The following MED24 variants were observed in gnomAD, a reference collection of about 807,000 sequenced individuals.
MED24 encodes mediator of RNA polymerase II transcription subunit 24.
Under a neutral mutation model 118.8 loss-of-function variants are expected in MED24, and 74 were observed. The observed-to-expected ratio is 0.62, with a 90% confidence interval of 0.52 to 0.76. The LOEUF (loss-of-function observed/expected upper bound fraction) is 0.76. Ranked by LOEUF, MED24 falls within the 30% of genes least tolerant of loss-of-function variation. The pLI is 0.00. For synonymous variants in MED24, 521 were observed against 523.9 expected (o/e 0.99, Z 0.08); for missense variants, 1,041 against 1,278.9 (o/e 0.81, Z 2.84).
At chr17:40,050,835 C>G (rs184681734) in intron 3 of MED24, among the ~76,000 whole-genome samples, 13 of 152,262 alleles carry the variant, frequency 8.5e-5, no homozygotes, top group African/African-American at 2.9e-4. Context: ...AATGTATGCA[C>G]ATAAGAAATC....
rs376292548 is a variant in MED24, at chr17:40,023,355, C to A, written c.2026G>T (p.Asp676Tyr). 1 of 1,611,472 alleles carries A rather than the reference C, an allele frequency of 6.2e-7. No individual in the cohort carries two copies. The highest frequency in any genetic ancestry group is 8.5e-7 in the Non-Finnish European group (1 of 1,178,494). Residue 676 changes from aspartate to tyrosine, a missense_variant, in exon 20 of 26, where the codon GAC (aspartate) becomes TAC (tyrosine). Physicochemically the swap from Asp to Tyr is radical, Grantham distance 160 (BLOSUM62 -3). Transcript: ENST00000394128. ...MNSILERMCA[D>Y]VLQQTATQIK... is the part of the protein sequence containing the mutation. ...TGCGTGGCTGTCTGCTGCAGCACGT[C>A]GGCACACATGCGCTCCAGGATCGAG... is the stretch of plus-strand genomic sequence containing the variant.
chr17:40,020,558 C>A, intron 23 of MED24: 1 of 1,177,304 alleles, frequency 8.5e-7, no homozygotes. Flanking sequence ...GAGGCCGAGG[C>A]AGGAGGATCG....
At chr17:40,036,938 C>T (rs915113477) in intron 3 of MED24, among the ~76,000 whole-genome samples, 9 of 152,022 alleles carry the variant, frequency 5.9e-5, no homozygotes, top group Non-Finnish European at 7.4e-5. Flanking sequence ...AATCCCAGTA[C>T]TTTGGGAGGC....
At chr17:40,052,266 C>A (rs1216862792) in intron 3 of MED24, among the ~76,000 whole-genome samples, 1 of 152,160 alleles carries the variant, frequency 6.6e-6, no homozygotes, top group Non-Finnish European at 1.5e-5. Flanking sequence ...GCACTCCAGC[C>A]TGGGCGATAG....
intron 23 of MED24, among the ~76,000 whole-genome samples, chr17:40,021,711 G>A (rs1327606148): frequency 6.6e-6 from 1 of 152,190 alleles, no homozygotes; most frequent in Non-Finnish European, 1.5e-5. Flanking sequence ...GGGCTGTGGG[G>A]GAACAACTGT....
intron 10 of MED24, among the ~76,000 whole-genome samples, 190 bp downstream of exon 10, chr17:40,031,853 G>A (rs1050556723): frequency 1.3e-4 from 19 of 146,080 alleles, no homozygotes; most frequent in African/African-American, 4.7e-4. Flanking sequence ...CGCACACACT[G>A]AAGCACACGC....
chr17:40,043,901 A>AAAAAAAAAAAAAAAAAAAAAAAAC, intron 3 of MED24, among the ~76,000 whole-genome samples: 2 of 150,754 alleles, frequency 1.3e-5, no homozygotes, highest in Non-Finnish European at 3.0e-5. Context: ...AAAAAAAAAA[A>AAAAAAAAAAAAAAAAAAAAAAAAC]AAACAAAGAT....
At chr17:40,037,236 G>A (rs1168563078) in intron 3 of MED24, among the ~76,000 whole-genome samples, 2 of 151,446 alleles carry the variant, frequency 1.3e-5, no homozygotes, top group African/African-American at 4.9e-5. Flanking sequence ...AGGAAGGAAG[G>A]AAAGAAGGAA....
chr17:40,036,136 C>T lies in MED24; in HGVS notation c.232G>A (p.Val78Ile). ...CATACCTTACTGATGGCTGTGAGGA[C>T]AGAAGAGTAGGACACCATCTGGAGA... Reference protein sequence around the residue: ...ISSQMVSYSSVLTAISKFDDF... With the variant: ...ISSQMVSYSSILTAISKFDDF... The change falls in exon 4 of 26, where the codon GTC becomes ATC. Residue 78 changes from valine (V) to isoleucine (I), a missense_variant. This residue lies in a region of MED24 where 434 missense variants were observed against 514.9 expected (regional missense o/e 0.84). Coordinates refer to ENST00000394128, the MANE Select transcript of MED24 (RefSeq NM_014815.4). 1.2e-6 allele frequency: 2 copies of T among 1,612,260 alleles called. No homozygotes were observed. The highest frequency in any genetic ancestry group is 3.3e-5 in the Admixed American group (2 of 60,022).
Position 40,032,733 on chromosome 17 carries a change from C to T in MED24, c.852G>A (p.Glu284=), listed in dbSNP as rs1437528072. ...QHIPTPLFVL[E]IWKACFVGLI... Reference sequence around the variant, plus strand: ...GCCCCACGAAGCAAGCTTTCCAGATCTCCAGGACAAAAAGTGGGGTGGGGA... The same window carrying T: ...GCCCCACGAAGCAAGCTTTCCAGATTTCCAGGACAAAAAGTGGGGTGGGGA... The change falls in exon 9 of 26, where the codon GAG becomes GAA. Residue 284 remains glutamate, a synonymous_variant. Transcript: ENST00000394128. The T allele has an allele frequency of 5.6e-6, 9 of 1,613,752 alleles. No individual in the cohort carries two copies. In the Admixed American group the frequency reaches 1.5e-4, roughly 27 times the overall value.
chr17:40,020,315 G>A lies in MED24; in HGVS notation c.2662C>T (p.Leu888Phe), dbSNP rs1226182581. Residue 888 changes from leucine (L) to phenylalanine (F), a missense_variant, in exon 24 of 26, where the codon CTC becomes TTC. Physicochemically the swap from Leu to Phe is conservative, Grantham distance 22. Around this residue, in one of 3 missense-constraint regions of MED24, gnomAD observed 587 missense variants for 694.4 expected, o/e 0.85. Transcript: ENST00000394128. ...GGGTCCCGCATGTTGACCGTGTGGA[G>A]CTGAGAGGCTGAGAGGGAGCTGCTC... is the stretch of plus-strand genomic sequence containing the variant. Reference protein sequence around the residue: ...SMSSSLSASQLHTVNMRDPLN... With the variant: ...SMSSSLSASQFHTVNMRDPLN... 1 of 1,592,880 alleles carries A rather than the reference G, an allele frequency of 6.3e-7. No homozygotes were observed. The highest frequency in any genetic ancestry group is 8.5e-7 in the Non-Finnish European group (1 of 1,169,786).
chr17:40,024,905 T>C (rs1398466867), intron 19 of MED24, among the ~76,000 whole-genome samples: 2 of 152,062 alleles, frequency 1.3e-5, no homozygotes, highest in Non-Finnish European at 2.9e-5. Context: ...CCTGCTCATT[T>C]TTATATTTTT....
chr17:40,053,101 T>C (rs1051530509), intron 3 of MED24, among the ~76,000 whole-genome samples, 197 bp downstream of exon 3: 1 of 151,676 alleles, frequency 6.6e-6, no homozygotes, highest in African/African-American at 2.4e-5. Context: ...CAGGGGTAAC[T>C]CTTTGTATTT....
chr17:40,024,280 T>C (rs944775849), intron 19 of MED24, among the ~76,000 whole-genome samples: 1 of 152,176 alleles, frequency 6.6e-6, no homozygotes, highest in African/African-American at 2.4e-5. Flanking sequence ...ATGCCTATAA[T>C]CCCAGCACTT....
In MED24 at chr17:40,019,125, T is replaced by C. The variant is rs1981623342; in HGVS notation, c.*404A>G. ...CAAAGGGAGCCACGAGGAGCTTTAT[T>C]TATACATGAACGAAGGTAGATTTCC... On this transcript the variant is annotated 3_prime_UTR_variant, in exon 26 of 26. Transcript: ENST00000394128. 5.8e-6 allele frequency: 1 copy of C among 171,412 alleles called. No homozygotes were observed. Among genetic ancestry groups the C allele is most frequent in the Non-Finnish European group, 1.2e-5 (1 of 80,056 alleles). The allele number at this position is 171,412 out of a possible 1,614,324, so 10.6% of individuals were successfully genotyped here.
At chr17:40,039,283 C>G (rs1984286380) in intron 3 of MED24, among the ~76,000 whole-genome samples, 1 of 152,234 alleles carries the variant, frequency 6.6e-6, no homozygotes. Context: ...ACAGCAGGAT[C>G]TGGCCTATTC....
At chr17:40,051,930 TAAAC>T (rs933164585) in intron 3 of MED24, among the ~76,000 whole-genome samples, 3 of 150,220 alleles carry the variant, frequency 2.0e-5, no homozygotes, top group African/African-American at 7.4e-5. Flanking sequence ...TCTCAATAAA[TAAAC>T]AAACAAACAG....
chr17:40,030,025 A>G (rs1983179096), intron 12 of MED24, among the ~76,000 whole-genome samples, 166 bp from the exon 13 acceptor site: 1 of 152,108 alleles, frequency 6.6e-6, no homozygotes, highest in South Asian at 2.1e-4. Flanking sequence ...TGTTGCAATC[A>G]CTGATTTAGC....
intron 3 of MED24, among the ~76,000 whole-genome samples, chr17:40,043,616 C>T (rs1003316949): frequency 2.6e-5 from 4 of 151,984 alleles, no homozygotes; most frequent in African/African-American, 7.3e-5. Flanking sequence ...AAGCCAGGCG[C>T]GGTGGCTCAC....
Sources: allele counts gnomAD v4.1 joint callset (sites outside exome capture counted in the v4.1 genomes callset), GRCh38; gene constraint gnomAD v4.1.1; regional missense constraint gnomAD v4.1.1; transcripts MANE v1.5; gene names NCBI Gene and HGNC (gene_info 2026-07-23, HGNC 2026-07-21).